The following TTN variants were observed in gnomAD, a reference collection of about 807,000 sequenced individuals.
TTN encodes connectin.
A neutral mutation model predicts 3,223.0 loss-of-function variants in TTN; 1,525 were observed. The observed-to-expected ratio is 0.47, with a 90% CI of 0.45 to 0.49. TTN has a LOEUF of 0.49. TTN is among the 20% of genes least tolerant of loss of function. The pLI is 0.00. For synonymous variants in TTN, 14,094 were observed against 15,161.0 expected (o/e 0.93, Z 5.17); for missense variants, 40,786 against 43,424.0 (o/e 0.94, Z 5.40).
In TTN at chr2:178,536,582, A is replaced by C. The variant is rs766470823; in HGVS notation, c.100172-7T>G. On this transcript the variant is annotated splice_polypyrimidine_tract_variant and splice_region_variant and intron_variant, in intron 356 of 362. Transcript: ENST00000589042. ...CCAGGAGCACCTGGCTTTTCTATTA[A>C]ACAAAAAAAAGATTTGAGTCATGAG... 1 of 1,489,858 alleles carries C rather than the reference A, an allele frequency of 6.7e-7. No homozygotes were observed. Among genetic ancestry groups the C allele is most frequent in the East Asian group, 2.3e-5 (1 of 43,294 alleles). 92.3% of individuals were successfully genotyped at this position (1,489,858 alleles called of 1,614,324 possible). A position where few individuals can be genotyped will look rare whatever the true frequency, so the allele number is the denominator to read the frequency against.
chr2:178,547,893 G>T lies in TTN; in HGVS notation c.93733C>A (p.Pro31245Thr). The change falls in exon 339 of 363, where the codon CCC becomes ACC. Residue 31245 changes from proline to threonine, a missense_variant. Transcript: ENST00000589042. ...IDVPISGRPAPKVTWKLEEMR... is the reference protein window; with the variant it reads ...IDVPISGRPATKVTWKLEEMR... ...TCTTCCAGTTTCCATGTTACTTTGG[G>T]GGCAGGACGACCACTGATTGGTACG... The T allele has an allele frequency of 6.2e-7, 1 of 1,613,780 alleles. No homozygotes were observed. Among genetic ancestry groups the T allele is most frequent in the Non-Finnish European group, 8.5e-7 (1 of 1,179,820 alleles).
At position 178,800,502 on chromosome 2, in the gene TTN, T is replaced by C. The variant is rs765935940; in HGVS notation, c.476A>G (p.Tyr159Cys). 4 of 1,614,176 alleles carry C rather than the reference T, an allele frequency of 2.5e-6. No homozygotes were observed. The South Asian group carries it at 4.4e-5, about 18-fold the overall frequency. ...DFQISQEGDLYSLLIAEAYPE... is the reference protein window; with the variant it reads ...DFQISQEGDLCSLLIAEAYPE... ...GTATGCTTCTGCAATCAGTAAGCTG[T>C]AGAGGTCGCCTTCTTGTGAAATTTG... The change falls in exon 4 of 363, where the codon TAC (tyrosine) becomes TGC (cysteine). Residue 159 changes from tyrosine (Y) to cysteine (C), a missense_variant. By Grantham distance (194) the Tyr-to-Cys change is radical. Transcript: ENST00000589042.
intron 76 of TTN, 50 bp from the exon 77 acceptor site, chr2:178,722,596 T>A: frequency 1.1e-5 from 17 of 1,590,270 alleles, no homozygotes; most frequent in Non-Finnish European, 1.5e-5. Flanking sequence ...AAATGAGAAG[T>A]TCACCATAAA....
chr2:178,795,716 T>C (rs2093733282), intron 6 of TTN, among the ~76,000 whole-genome samples: 1 of 151,182 alleles, frequency 6.6e-6, no homozygotes, highest in African/African-American at 2.4e-5. Context: ...ACTAAGCAGC[T>C]TAAGCCATTT....
chr2:178,705,898 CA>C (rs1289053791), intron 102 of TTN, among the ~76,000 whole-genome samples: 1 of 152,166 alleles, frequency 6.6e-6, no homozygotes, highest in African/African-American at 2.4e-5. Context: ...TAGGCACAGA[CA>C]ATACTGGGGT....
chr2:178,635,562 G>A lies in TTN; in HGVS notation c.41762C>T (p.Thr13921Ile). ...ATGATTTCCATCTCTCAGTATTTCA[G>A]TCTTATCATTTGGTTCCGCAGGGAT... Reference protein sequence around the residue: ...DEIPAEPNDKTEILRDGNHLY... With the variant: ...DEIPAEPNDKIEILRDGNHLY... Residue 13921 changes from threonine to isoleucine, a missense_variant, in exon 227 of 363, where the codon ACT becomes ATT. Coordinates refer to ENST00000589042, the MANE Select transcript of TTN (RefSeq NM_001267550.2). 6.3e-7 allele frequency: 1 copy of A among 1,594,772 alleles called. No individual in the cohort carries two copies. The highest frequency in any genetic ancestry group is 8.6e-7 in the Non-Finnish European group (1 of 1,169,260).
Position 178,613,916 on chromosome 2 carries a change from C to T in TTN, c.49367G>A (p.Arg16456His), listed in dbSNP as rs768914789. The T allele has an allele frequency of 3.0e-5, 49 of 1,607,698 alleles. No homozygotes were observed. The highest frequency in any genetic ancestry group is 1.8e-4 in the East Asian group (8 of 44,694). The change falls in exon 263 of 363, where the codon CGC becomes CAC. Residue 16456 changes from arginine to histidine, a missense_variant. Coordinates refer to ENST00000589042, the MANE Select transcript of TTN (RefSeq NM_001267550.2). ...TTTAGTGATATCAGAAGGTTCTAGG[C>T]GAGTTGGAGGACCAGGTGGATCTAT... The part of the protein sequence containing the change: ...YQFDPPGPPT[R>H]LEPSDITKDA...
At chr2:178,711,670 C>T (rs570418244) in intron 96 of TTN, among the ~76,000 whole-genome samples, 2 of 152,228 alleles carry the variant, frequency 1.3e-5, no homozygotes, top group South Asian at 4.1e-4. Context: ...GCATGAGATA[C>T]TTACGGGGTG....
intron 221 of TTN, among the ~76,000 whole-genome samples, chr2:178,640,331 C>G (rs1371846939): frequency 6.6e-6 from 1 of 151,782 alleles, no homozygotes; most frequent in Non-Finnish European, 1.5e-5. Flanking sequence ...TCTCATTGCC[C>G]ATAAATACAA....
At position 178,733,536 on chromosome 2, in the gene TTN, G is replaced by C; in HGVS notation, c.15776-19C>G. 6.2e-7 allele frequency: 1 copy of C among 1,603,118 alleles called. No homozygotes were observed. The highest frequency in any genetic ancestry group is 2.2e-5 in the East Asian group (1 of 44,656). Reference sequence around the variant, plus strand: ...GCAGGTTCTACAATGGTATGAAATAGTTAGCACCCTAAATGCTTGTTAGGG... The same window carrying C: ...GCAGGTTCTACAATGGTATGAAATACTTAGCACCCTAAATGCTTGTTAGGG... On this transcript the variant is annotated intron_variant, in intron 53 of 362. Coordinates refer to ENST00000589042, the MANE Select transcript of TTN (RefSeq NM_001267550.2).
Position 178,560,613 on chromosome 2 carries a change from T to C in TTN, c.85519A>G (p.Met28507Val), listed in dbSNP as rs750081245. 4 of 1,613,450 alleles carry C rather than the reference T, an allele frequency of 2.5e-6. No individual in the cohort carries two copies. The highest frequency in any genetic ancestry group is 2.5e-6 in the Non-Finnish European group (3 of 1,179,776). Reference sequence around the variant, plus strand: ...AACTTGGTTACTTTACAGGATGTCATCTGTAACTCTCCTTCACATATTGTC... The same window carrying C: ...AACTTGGTTACTTTACAGGATGTCACCTGTAACTCTCCTTCACATATTGTC... The part of the protein sequence containing the change: ...AWTICEGELQ[M>V]TSCKVTKLLK... The change falls in exon 326 of 363, where the codon ATG becomes GTG. Residue 28507 changes from methionine (M) to valine (V), a missense_variant. Coordinates refer to ENST00000589042, the MANE Select transcript of TTN (RefSeq NM_001267550.2).
rs770564631 is a variant in TTN at position 178,535,682 on chromosome 2, T to A, written c.100933A>T (p.Ile33645Phe). 1.9e-6 allele frequency: 3 copies of A among 1,613,694 alleles called. No homozygotes were observed. The highest frequency in any genetic ancestry group is 2.5e-6 in the Non-Finnish European group (3 of 1,179,794). ...LIDNNGHYQV[I>F]VTRSFTSLVF... The stretch of plus-strand genomic sequence containing the variant: ...AGTGATGTGAAGGATCTTGTGACAA[T>A]AACTTGGTAGTGGCCATTATTGTCA... The change falls in exon 358 of 363, where the codon ATT (isoleucine) becomes TTT (phenylalanine). Residue 33645 changes from isoleucine (I) to phenylalanine (F), a missense_variant. By Grantham distance (21) the Ile-to-Phe change is conservative. Transcript: ENST00000589042.
At position 178,576,783 on chromosome 2, in the gene TTN, T is replaced by A; in HGVS notation, c.69461A>T (p.Asn23154Ile). Residue 23154 changes from asparagine to isoleucine, a missense_variant, in exon 325 of 363, where the codon AAC becomes ATC. Asn to Ile is a moderately radical substitution (Grantham distance 149, BLOSUM62 -3). Coordinates refer to ENST00000589042, the MANE Select transcript of TTN (RefSeq NM_001267550.2). The surrounding 1 kb of genome is among the most constrained non-coding windows in gnomAD (Gnocchi z 4.3). ...EKPEVSNVTK[N>I]TATVSWKRPV... ...CCTTTTCCAGCTGACAGTGGCAGTG[T>A]TCTTAGTGACATTTGATACCTCTGG... is the stretch of plus-strand genomic sequence containing the variant. The A allele has an allele frequency of 6.2e-7, 1 of 1,613,430 alleles. No homozygotes were observed. The highest frequency in any genetic ancestry group is 8.5e-7 in the Non-Finnish European group (1 of 1,179,618).
intron 79 of TTN, 57 bp from the exon 80 acceptor site, chr2:178,720,720 A>G (rs1283731599): frequency 1.3e-6 from 2 of 1,488,824 alleles, no homozygotes; most frequent in Non-Finnish European, 1.8e-6. Flanking sequence ...AAGGAAAAAA[A>G]AATTAAATCT....
rs373302409 is a variant in TTN, at chr2:178,740,420, G to A, written c.12813C>T (p.His4271=). 2.5e-5 allele frequency: 40 copies of A among 1,613,050 alleles called. No homozygotes were observed. Among genetic ancestry groups the A allele is most frequent in the Admixed American group, 3.3e-5 (2 of 59,912 alleles). The part of the protein sequence containing the change: ...LILSQSLAEG[H]VESLQSPDVM... ...CATCAGGACTCTGGAGACTCTCCAC[G>A]TGTCCCTCAGCTAAGCTCTGACTCA... The change falls in exon 48 of 363, where the codon CAC becomes CAT. Residue 4271 remains histidine, a synonymous_variant. Coordinates refer to ENST00000589042, the MANE Select transcript of TTN (RefSeq NM_001267550.2).
chr2:178,752,042 G>GT, intron 47 of TTN: 2 of 1,307,152 alleles, frequency 1.5e-6, no homozygotes, highest in African/African-American at 2.7e-5. Flanking sequence ...GAATAATTCT[G>GT]GAAAAAAAAA....
chr2:178,547,312 A>C lies in TTN; in HGVS notation c.94220-7T>G. ...GTAGGAGCGCTTGGTGGGACTAAAT[A>C]TAAACAAAGGTATTAAGTATGAATA... On this transcript the variant is annotated splice_polypyrimidine_tract_variant and splice_region_variant and intron_variant, in intron 339 of 362. Coordinates refer to ENST00000589042, the MANE Select transcript of TTN (RefSeq NM_001267550.2). 1 of 1,597,158 alleles carries C rather than the reference A, an allele frequency of 6.3e-7. No homozygotes were observed. The highest frequency in any genetic ancestry group is 8.5e-7 in the Non-Finnish European group (1 of 1,172,058).
chr2:178,633,598 A>T lies in TTN; in HGVS notation c.42761T>A (p.Val14254Glu), dbSNP rs1342186371. Residue 14254 changes from valine to glutamate, a missense_variant, in exon 232 of 363, where the codon GTG (valine) becomes GAG (glutamate). Val to Glu is a moderately radical substitution (Grantham distance 121). Transcript: ENST00000589042. ...EKDEITLKCEVSKDVPVKWFK... is the reference protein window; with the variant it reads ...EKDEITLKCEESKDVPVKWFK... ...CCATTTCACTGGTACATCTTTGCTC[A>T]CTTCACACTTCAAAGTAATCTCATC... 6.2e-7 allele frequency: 1 copy of T among 1,613,304 alleles called. No homozygotes were observed.
Position 178,564,384 on chromosome 2 carries a change from C to T in TTN, c.81748G>A (p.Ala27250Thr). 1.2e-6 allele frequency: 2 copies of T among 1,613,642 alleles called. No homozygotes were observed. Among genetic ancestry groups the T allele is most frequent in the South Asian group, 2.2e-5 (2 of 91,082 alleles). Residue 27250 changes from alanine (A) to threonine (T), a missense_variant, in exon 326 of 363, where the codon GCA becomes ACA. By Grantham distance (58) the Ala-to-Thr change is moderately conservative. Transcript: ENST00000589042. ...GATGGTTCACTAAAGTTTCCAGCTG[C>T]ATTTCTTGCAATTACTCTAAATTCA... ...RYEFRVIARNAAGNFSEPSDS... is the reference protein window; with the variant it reads ...RYEFRVIARNTAGNFSEPSDS...
Sources: allele counts gnomAD v4.1 joint callset (sites outside exome capture counted in the v4.1 genomes callset), GRCh38; gene constraint gnomAD v4.1.1; non-coding constraint Gnocchi (gnomAD v3.1); transcripts MANE v1.5; gene names NCBI Gene and HGNC (gene_info 2026-07-23, HGNC 2026-07-21).